The following CAMKMT variants were observed in gnomAD, a reference collection of about 807,000 sequenced individuals.
CAMKMT encodes the protein CaM KMT.
CAMKMT carries 53 observed loss-of-function variants against 48.0 expected under a neutral mutation model. That is an observed-to-expected ratio of 1.10 (90% CI 0.89 to 1.39). CAMKMT has a LOEUF of 1.39. Among genes scored for constraint, CAMKMT ranks in the 40% most tolerant of loss-of-function variants. The pLI is 0.00. For missense variants in CAMKMT, 428 were observed against 402.7 expected, an observed-to-expected ratio of 1.06 and a Z score of -0.54; for synonymous variants, 165 against 152.3, an observed-to-expected ratio of 1.08 and a Z score of -0.61.
chr2:44,411,783 T>G (rs1683220141), intron 3 of CAMKMT, among the ~76,000 whole-genome samples: 1 of 152,126 alleles, frequency 6.6e-6, no homozygotes, highest in African/African-American at 2.4e-5. Context: ...ACCAGTTGCC[T>G]TAGTTTTTTT....
chr2:44,768,607 C>G (rs897044294), intron 10 of CAMKMT, among the ~76,000 whole-genome samples: 2 of 152,102 alleles, frequency 1.3e-5, no homozygotes, highest in African/African-American at 4.8e-5. Flanking sequence ...TCCCCATGCC[C>G]TGCAGCAGGG....
At chr2:44,703,163 G>A (rs989304202) in intron 3 of CAMKMT, among the ~76,000 whole-genome samples, 2 of 151,898 alleles carry the variant, frequency 1.3e-5, no homozygotes, top group African/African-American at 2.4e-5. Context: ...TAATTATAAG[G>A]GTAGTATATG....
In CAMKMT at chr2:44,500,187, C is replaced by G. The variant is rs540354017; in HGVS notation, c.376+109882C>G. Among the ~76,000 whole-genome samples, 172 of 152,248 alleles carry G rather than the reference C, an allele frequency of 1.1e-3. 1 individual carries two copies. The highest frequency in any genetic ancestry group is 3.8e-3 in the African/African-American group (158 of 41,554). ...TACATGTCTCTAGAGTATCATTAAT[C>G]TAGTTCTCACTAGGGTTTTAGAGTA... On this transcript the variant is annotated intron_variant, in intron 3 of 10. Transcript: ENST00000378494.
At chr2:44,445,648 T>G (rs1199474887) in intron 3 of CAMKMT, among the ~76,000 whole-genome samples, 4 of 3,914 alleles carry the variant, frequency 1.0e-3, no homozygotes, top group Non-Finnish European at 1.9e-3. Flanking sequence ...AAGGGTAGTT[T>G]TTTTTTTTTT....
chr2:44,595,869 C>G (rs1305688502), intron 3 of CAMKMT, among the ~76,000 whole-genome samples: 1 of 150,868 alleles, frequency 6.6e-6, no homozygotes, highest in Admixed American at 6.7e-5. Flanking sequence ...TCATTCTCAG[C>G]AAACTAACAC....
At position 44,743,650 on chromosome 2, in the gene CAMKMT, G is replaced by A. The variant is rs746279087; in HGVS notation, c.652G>A (p.Val218Ile). 2.5e-6 allele frequency: 4 copies of A among 1,613,164 alleles called. No homozygotes were observed. Among genetic ancestry groups the A allele is most frequent in the East Asian group, 2.2e-5 (1 of 44,858 alleles). The change falls in exon 8 of 11, where the codon GTC (valine) becomes ATC (isoleucine). Residue 218 changes from valine (V) to isoleucine (I), a missense_variant. Physicochemically the swap from Val to Ile is conservative, Grantham distance 29 (BLOSUM62 3). Coordinates refer to ENST00000378494, the MANE Select transcript of CAMKMT (RefSeq NM_024766.5). ...CVLRWDNETD[V>I]SQLEGHFDIV... Reference sequence around the variant, plus strand: ...TTTACGATGGGATAATGAGACAGATGTCTCTCAACTGGAAGGACATTTTGA... The same window carrying A: ...TTTACGATGGGATAATGAGACAGATATCTCTCAACTGGAAGGACATTTTGA...
At chr2:44,635,780 A>G (rs558042613) in intron 3 of CAMKMT, among the ~76,000 whole-genome samples, 21 of 152,268 alleles carry the variant, frequency 1.4e-4, no homozygotes, top group Non-Finnish European at 2.4e-4. Flanking sequence ...AATCTAACCT[A>G]GTGTTGTTGA....
At chr2:44,667,021 T>A (rs1675023380) in intron 3 of CAMKMT, among the ~76,000 whole-genome samples, 1 of 152,172 alleles carries the variant, frequency 6.6e-6, no homozygotes, top group Non-Finnish European at 1.5e-5. Context: ...GGTCATATAT[T>A]GAATCTAAAG....
chr2:44,411,921 A>G (rs185394481), intron 3 of CAMKMT, among the ~76,000 whole-genome samples: 3 of 151,506 alleles, frequency 2.0e-5, no homozygotes, highest in Admixed American at 2.0e-4. Flanking sequence ...TAACATTATT[A>G]AGAAACTTTG....
At chr2:44,763,738 G>A (rs1337120346) in intron 9 of CAMKMT, among the ~76,000 whole-genome samples, 4 of 152,204 alleles carry the variant, frequency 2.6e-5, no homozygotes, top group African/African-American at 9.7e-5. Flanking sequence ...TGTTTAGGCA[G>A]AGAGTGCTGT....
chr2:44,514,292 G>T (rs1670725294), intron 3 of CAMKMT, among the ~76,000 whole-genome samples: 1 of 152,066 alleles, frequency 6.6e-6, no homozygotes, highest in Non-Finnish European at 1.5e-5. Context: ...TATGCCAGAT[G>T]ATGTAGGAAA....
At chr2:44,418,013 G>A (rs1356189838) in intron 3 of CAMKMT, among the ~76,000 whole-genome samples, 20 of 151,992 alleles carry the variant, frequency 1.3e-4, no homozygotes, top group African/African-American at 2.7e-4. Flanking sequence ...CCAACATGGC[G>A]AAACCCCATC....
At chr2:44,486,802 G>C (rs1669239539) in intron 3 of CAMKMT, among the ~76,000 whole-genome samples, 1 of 152,326 alleles carries the variant, frequency 6.6e-6, no homozygotes, top group South Asian at 2.1e-4. Flanking sequence ...GAAACCGTAA[G>C]CTTCCTGAGT....
intron 3 of CAMKMT, among the ~76,000 whole-genome samples, chr2:44,507,655 A>G (rs899303159): frequency 1.6e-4 from 25 of 152,158 alleles, no homozygotes; most frequent in African/African-American, 5.8e-4. Context: ...AGCACTCTAC[A>G]TGTTTCATTA....
chr2:44,478,677 A>G (rs1668811920), intron 3 of CAMKMT, among the ~76,000 whole-genome samples: 1 of 151,080 alleles, frequency 6.6e-6, no homozygotes, highest in Admixed American at 6.7e-5. Flanking sequence ...AAAAGATATA[A>G]AAGTTAATTG....
chr2:44,362,250 C>A, intron 1 of CAMKMT, 105 bp downstream of exon 1: 1 of 1,074,816 alleles, frequency 9.3e-7, no homozygotes, highest in Non-Finnish European at 1.3e-6. Context: ...CTCTGGGAGA[C>A]CCTTCTCAGT....
At chr2:44,678,604 CA>C (rs1359980492) in intron 3 of CAMKMT, among the ~76,000 whole-genome samples, 2 of 152,158 alleles carry the variant, frequency 1.3e-5, no homozygotes, top group African/African-American at 2.4e-5. Flanking sequence ...TTTCCTACAG[CA>C]GGTTTTACTC....
At chr2:44,527,348 A>G (rs1177752800) in intron 3 of CAMKMT, among the ~76,000 whole-genome samples, 1 of 144,054 alleles carries the variant, frequency 6.9e-6, no homozygotes, top group Non-Finnish European at 1.5e-5. Flanking sequence ...ACATATATAC[A>G]TATATAATAT....
intron 3 of CAMKMT, among the ~76,000 whole-genome samples, chr2:44,445,649 T>G (rs79431290): frequency 4.1e-4 from 2 of 4,890 alleles, no homozygotes; most frequent in Non-Finnish European, 7.7e-4. Flanking sequence ...AGGGTAGTTT[T>G]TTTTTTTTTT....
Sources: allele counts gnomAD v4.1 joint callset (sites outside exome capture counted in the v4.1 genomes callset), GRCh38; gene constraint gnomAD v4.1.1; transcripts MANE v1.5; gene names NCBI Gene and HGNC (gene_info 2026-07-23, HGNC 2026-07-21).